Variants in MAGIX observed in about 807,000 individuals in gnomAD.
The protein encoded by MAGIX is PDZ domain-containing protein MAGIX.
MAGIX carries 13 observed loss-of-function variants against 10.0 expected under a neutral mutation model. The ratio of observed to expected loss-of-function variants is 1.30; its 90% CI spans 0.84 to 2.06. The LOEUF is 2.06. Among genes scored for constraint, MAGIX ranks in the 30% most tolerant of loss-of-function variants. The pLI is 0.00. For missense variants in MAGIX, 235 were observed against 245.2 expected (o/e 0.96, Z 0.28); for synonymous variants, 108 against 106.8 (o/e 1.01, Z -0.07).
chrX:49,166,075 C>T, exon 5 of MAGIX: 1 of 1,208,479 alleles, frequency 8.3e-7, no homozygotes, highest in Non-Finnish European at 1.1e-6. Context: ...AATCCGTAGT[C>T]CCGTCATGGC....
chrX:49,168,774 CAAAAA>C (rs35343968), downstream of MAGIX, among the ~76,000 whole-genome samples: 5 of 16,897 alleles, frequency 3.0e-4, no homozygotes, highest in Non-Finnish European at 4.8e-4. Flanking sequence ...GACCTTATCT[CAAAAA>C]AAAAAAAAAA....
chrX:49,163,668 G>T, intron 1 of MAGIX, 115 bp from the exon 2 acceptor site: 1 of 704,728 alleles, frequency 1.4e-6, no homozygotes, highest in East Asian at 4.9e-5. Context: ...TATCGAGGGA[G>T]TGGCCAGGGG....
At chrX:49,163,969 G>C in intron 2 of MAGIX, 40 bp downstream of exon 2, 1 of 999,486 alleles carries the variant, frequency 1.0e-6, no homozygotes, top group South Asian at 3.6e-5. Context: ...GGGAGGGTTC[G>C]GAGAGGAGTT....
At position 49,166,085 on chromosome X, in the gene MAGIX, C is replaced by T; in HGVS notation, c.514C>T (p.Pro172Ser). 8.3e-7 allele frequency: 1 copy of T among 1,210,831 alleles called. No individual in the cohort carries two copies. The highest frequency in any genetic ancestry group is 1.1e-6 in the Non-Finnish European group (1 of 894,664). ...AATCTAATCCGTAGTCCCGTCATGGCCAGATCGCAGCCCAGATCCTGGAGG... is the reference window on the plus strand; with the variant it reads ...AATCTAATCCGTAGTCCCGTCATGGTCAGATCGCAGCCCAGATCCTGGAGG... Residue 172 changes from proline to serine, a missense_variant, in exon 5 of 5, where the codon CCA becomes TCA. Coordinates refer to ENST00000616266, the Ensembl canonical transcript of MAGIX.
At chrX:49,163,983 T>C in intron 2 of MAGIX, 54 bp downstream of exon 2, 16 of 978,510 alleles carry the variant, frequency 1.6e-5, no homozygotes, top group Non-Finnish European at 2.1e-5. Context: ...AGGAGTTGGG[T>C]TCAGTGGGAC....
At chrX:49,165,703 G>C (rs918176481) in intron 4 of MAGIX, 9 of 312,244 alleles carry the variant, frequency 2.9e-5, no homozygotes, top group Admixed American at 5.6e-5. Context: ...GATCTTAGCC[G>C]GGGGAAAATG....
At chrX:49,165,160 T>G in intron 3 of MAGIX, 30 bp from the exon 5 acceptor site, 1 of 1,201,909 alleles carries the variant, frequency 8.3e-7, no homozygotes, top group Non-Finnish European at 1.1e-6. Flanking sequence ...CCTTTTGCCT[T>G]TCCAACACGA....
chrX:49,164,850 T>A lies in MAGIX; in HGVS notation c.90T>A (p.Cys30Ter). Residue 30 changes from cysteine to a stop codon, truncating the protein, a stop_gained, in exon 3 of 5, where the codon TGT (cysteine) becomes TGA (stop). Coordinates refer to ENST00000616266, the Ensembl canonical transcript of MAGIX. LOFTEE classifies it high-confidence loss of function. ...TCAGGGCAAACTATGTACACCTGTG[T>A]CCTTTATTCCAGCACCGTTGGTTAG... The A allele has an allele frequency of 8.3e-7, 1 of 1,211,236 alleles. No individual in the cohort carries two copies. The highest frequency in any genetic ancestry group is 1.1e-6 in the Non-Finnish European group (1 of 894,689).
At chrX:49,163,898 G>A (rs2147861142) in exon 2 of MAGIX, 1 of 1,026,303 alleles carries the variant, frequency 9.7e-7, no homozygotes, top group Non-Finnish European at 1.2e-6. Flanking sequence ...TACGCAGGGC[G>A]GGCGCCACAT....
exon 5 of MAGIX, chrX:49,166,210 T>G (rs1362944738): frequency 1.7e-6 from 2 of 1,206,411 alleles, no homozygotes; most frequent in Non-Finnish European, 2.2e-6. Context: ...CGGAGCCTAG[T>G]CCAGAGGCGG....
At chrX:49,165,497 T>C (rs1557097661) in intron 4 of MAGIX, 136 bp downstream of exon 5, 4 of 573,768 alleles carry the variant, frequency 7.0e-6, no homozygotes, top group Non-Finnish European at 1.0e-5. Context: ...CATGGTATTC[T>C]CACAAGTAGG....
intron 2 of MAGIX, 35 bp downstream of exon 2, chrX:49,163,964 G>A (rs781783843): frequency 1.4e-5 from 14 of 997,588 alleles, no homozygotes; most frequent in Non-Finnish European, 1.8e-5. Flanking sequence ...GCTGGGGGAG[G>A]GTTCGGAGAG....
At chrX:49,165,937 C>T (rs1184618662) in intron 4 of MAGIX, 137 bp from the exon 6 acceptor site, 6 of 563,071 alleles carry the variant, frequency 1.1e-5, no homozygotes, top group Non-Finnish European at 8.4e-6. Context: ...GGGGTGGTGC[C>T]GATCCCAGAA....
rs1438534775 is a variant in MAGIX at position 49,163,819 on chromosome X, G to T, written c.-165G>T. Reference sequence around the variant, plus strand: ...TCCCCGCTCGCGGGCCCTAGCGCCCGGCAGCTCCTGGCGCGGTTGGACGCG... The same window carrying T: ...TCCCCGCTCGCGGGCCCTAGCGCCCTGCAGCTCCTGGCGCGGTTGGACGCG... On this transcript the variant is annotated 5_prime_UTR_variant, in exon 2 of 5. Transcript: ENST00000616266. The T allele has an allele frequency of 4.8e-6, 5 of 1,045,279 alleles. No homozygotes were observed. In the African/African-American group the frequency reaches 6.0e-5, roughly 13 times the overall value. The allele number at this position is 1,045,279 out of a possible 1,213,427, so 86.1% of individuals were successfully genotyped here. A position where few individuals can be genotyped will look rare whatever the true frequency, so the allele number is the denominator to read the frequency against.
chrX:49,165,504 TAGGGGCAGGG>T (rs2065360485), intron 4 of MAGIX, 143 bp downstream of exon 5: 2 of 537,539 alleles, frequency 3.7e-6, no homozygotes, highest in African/African-American at 2.5e-5. Flanking sequence ...TTCTCACAAG[TAGGGGCAGGG>T]AGGGGTACAG....
Position 49,166,212 on chromosome X carries a change from C to T in MAGIX, c.641C>T (p.Pro214Leu), listed in dbSNP as rs782093203. The T allele has an allele frequency of 5.8e-6, 7 of 1,204,804 alleles. No homozygotes were observed. In the African/African-American group the frequency reaches 1.0e-4, roughly 18 times the overall value. ...ACCCGGGGCAGCCCGGAGCCTAGTC[C>T]AGAGGCGGCCGCCGATGGCCCCACG... Residue 214 changes from proline to leucine, a missense_variant, in exon 5 of 5, where the codon CCA becomes CTA. Pro to Leu is a moderately conservative substitution (Grantham distance 98). Transcript: ENST00000616266.
intron 3 of MAGIX, 24 bp from the exon 5 acceptor site, chrX:49,165,166 C>G (rs782429615): frequency 1.7e-6 from 2 of 1,200,972 alleles, no homozygotes; most frequent in South Asian, 3.6e-5. Context: ...GCCTTTCCAA[C>G]ACGACTGCAT....
intron 1 of MAGIX, chrX:49,162,798 C>A: frequency 1.9e-6 from 1 of 516,282 alleles, no homozygotes; most frequent in Non-Finnish European, 2.9e-6. Flanking sequence ...CAGCTTCAGC[C>A]TCCAGGGCCT....
At position 49,164,519 on chromosome X, in the gene MAGIX, TA is replaced by T. The variant is rs781796873; in HGVS notation, c.-54-186del. 617 of 494,049 alleles carry T rather than the reference TA, an allele frequency of 1.2e-3. 3 individuals carry two copies. The highest frequency in any genetic ancestry group is 9.2e-3 in the South Asian group (318 of 34,548). 40.7% of individuals were successfully genotyped at this position (494,049 alleles called of 1,213,427 possible). A position where few individuals can be genotyped will look rare whatever the true frequency, so the allele number is the denominator to read the frequency against. On this transcript the variant is annotated intron_variant, in intron 2 of 4. Coordinates refer to ENST00000616266, the Ensembl canonical transcript of MAGIX. ...ATTAAGAAGGTGGGGTCAGAACAGT[TA>T]ATTTGTTTGGGCTGAGAACCTTTAA...
Sources: gnomAD v4.1 joint callset for allele counts (sites outside exome capture counted in the v4.1 genomes callset) on GRCh38, gnomAD v4.1.1 for gene constraint, MANE v1.5 for transcripts, NCBI Gene and HGNC (gene_info 2026-07-23, HGNC 2026-07-21) for gene names.